Variants in HADHB observed in about 807,000 individuals in gnomAD.
The protein encoded by HADHB is hydroxyacyl-CoA dehydrogenase trifunctional multienzyme complex subunit beta.
In HADHB, 50 loss-of-function variants were observed where a neutral mutation model predicts 61.9. The ratio of observed to expected loss-of-function variants is 0.81; its 90% CI spans 0.64 to 1.02. The LOEUF is 1.02. Among genes scored for constraint, HADHB ranks in the 50% least tolerant of loss-of-function variants. The pLI is 0.00. For missense variants in HADHB, 504 were observed against 586.5 expected, an observed-to-expected ratio of 0.86 and a Z score of 1.45; for synonymous variants, 191 against 201.6, an observed-to-expected ratio of 0.95 and a Z score of 0.45.
Position 26,248,473 on chromosome 2 carries a change from T to TTTC in HADHB, c.-9+3485_-9+3486insCTT, listed in dbSNP as rs58218767. Among the ~76,000 whole-genome samples the TTTC allele has an allele frequency of 6.3e-3, 958 of 152,274 alleles. 8 individuals carry two copies. The highest frequency in any genetic ancestry group is 0.022 in the African/African-American group (896 of 41,550). ...CACCACCCCTGGCCCACCTTGAGTA[T>TTTC]TTTACGCTAGAGACCTATATATGCT... On this transcript the variant is annotated intron_variant, in intron 1 of 15. Coordinates refer to ENST00000317799, the MANE Select transcript of HADHB (RefSeq NM_000183.3).
At chr2:26,278,365 TC>T (rs1672642307) in intron 7 of HADHB, among the ~76,000 whole-genome samples, 1 of 152,280 alleles carries the variant, frequency 6.6e-6, no homozygotes, top group Non-Finnish European at 1.5e-5. Flanking sequence ...CAAGAGTTGG[TC>T]CAATGGATAT....
chr2:26,279,021 T>C, intron 8 of HADHB, 114 bp from the exon 9 acceptor site: 1 of 987,890 alleles, frequency 1.0e-6, no homozygotes, highest in Non-Finnish European at 1.6e-6. Context: ...TGGACTTGAT[T>C]GATTAATGGT....
chr2:26,246,485 G>A (rs1179266036), intron 1 of HADHB, among the ~76,000 whole-genome samples: 1 of 151,668 alleles, frequency 6.6e-6, no homozygotes, highest in African/African-American at 2.4e-5. Context: ...GATTACAAGC[G>A]CACACCACCA....
chr2:26,275,002 G>C lies in HADHB; in HGVS notation c.354+1252G>C, dbSNP rs1672486577. On this transcript the variant is annotated intron_variant, in intron 6 of 15. Coordinates refer to ENST00000317799, the MANE Select transcript of HADHB (RefSeq NM_000183.3). ...CCTGGAAATTTTACATCCATTTGCA[G>C]ATCTCAGCTATTGATTGACAGGAGG... 3.3e-5 allele frequency among the ~76,000 whole-genome samples: 5 copies of C among 152,044 alleles called. No individual in the cohort carries two copies. The South Asian group carries it at 1.0e-3, about 31-fold the overall frequency.
Position 26,279,328 on chromosome 2 carries a change from G to A in HADHB, c.811+13G>A. ...TTCAAAGTACCAGGTGAAATGAAATGCTTCATGACACTTATTAGGGAGTTC... is the reference window on the plus strand; with the variant it reads ...TTCAAAGTACCAGGTGAAATGAAATACTTCATGACACTTATTAGGGAGTTC... On this transcript the variant is annotated intron_variant, in intron 9 of 15. Transcript: ENST00000317799. 6.4e-7 allele frequency: 1 copy of A among 1,570,296 alleles called. No individual in the cohort carries two copies. The highest frequency in any genetic ancestry group is 8.8e-7 in the Non-Finnish European group (1 of 1,140,216).
In HADHB at chr2:26,279,156, T is replaced by G. The variant is rs1260605899; in HGVS notation, c.652T>G (p.Ser218Ala). Reference protein sequence around the residue: ...APELPAVSEFSTSETMGHSAD... With the variant: ...APELPAVSEFATSETMGHSAD... ...CCAGCTCCCTGCGGTTTCTGAGTTC[T>G]CCACCAGTGAGACCATGGGCCACTC... The change falls in exon 9 of 16, where the codon TCC (serine) becomes GCC (alanine). Residue 218 changes from serine to alanine, a missense_variant. Transcript: ENST00000317799. 6.2e-7 allele frequency: 1 copy of G among 1,613,916 alleles called. No homozygotes were observed. The highest frequency in any genetic ancestry group is 8.5e-7 in the Non-Finnish European group (1 of 1,179,922).
chr2:26,260,982 G>C, intron 3 of HADHB: 1 of 1,490,046 alleles, frequency 6.7e-7, no homozygotes, highest in South Asian at 1.2e-5. Flanking sequence ...TTTGCCTAGA[G>C]AGAGAATCTG....
chr2:26,259,288 G>C (rs1671766045), intron 3 of HADHB, among the ~76,000 whole-genome samples: 1 of 152,222 alleles, frequency 6.6e-6, no homozygotes, highest in Non-Finnish European at 1.5e-5. Context: ...CTAGGGGTCT[G>C]CCTGGCTCTA....
In HADHB at chr2:26,285,739, G is replaced by GTTTTTTTTTTTTTGTTTT. The variant is rs1673002253; in HGVS notation, c.1389+181_1389+182insGTTTTTTTTTTTTTTTTT. On this transcript the variant is annotated intron_variant, in intron 15 of 15. Coordinates refer to ENST00000317799, the MANE Select transcript of HADHB (RefSeq NM_000183.3). ...TCTGATAAAACTTTTTGTTTTTTGG[G>GTTTTTTTTTTTTTGTTTT]TTTTTTTTTTTTTTTTTTGAGACAG... Among the ~76,000 whole-genome samples, 2 of 65,082 alleles carry GTTTTTTTTTTTTTGTTTT rather than the reference G, an allele frequency of 3.1e-5. 1 individual carries two copies. Among genetic ancestry groups the GTTTTTTTTTTTTTGTTTT allele is most frequent in the Non-Finnish European group, 5.7e-5 (2 of 34,936 alleles). 42.7% of individuals were successfully genotyped at this position (65,082 alleles called of 152,430 possible).
chr2:26,258,549 G>C (rs1671730474), intron 3 of HADHB, among the ~76,000 whole-genome samples: 1 of 151,390 alleles, frequency 6.6e-6, no homozygotes, highest in African/African-American at 2.5e-5. Context: ...CCAGATCCGA[G>C]GGGTGGAAGT....
At position 26,246,584 on chromosome 2, in the gene HADHB, G is replaced by T. The variant is rs149801804; in HGVS notation, c.-9+1594G>T. On this transcript the variant is annotated intron_variant, in intron 1 of 15. Transcript: ENST00000317799. ...CCGAACTCCTGACCTTAGGTGATTC[G>T]CCCACCTCTGCCCCCCAAAGTGCTG... Among the ~76,000 whole-genome samples, 145 of 151,938 alleles carry T rather than the reference G, an allele frequency of 9.5e-4. 1 individual carries two copies. The highest frequency in any genetic ancestry group is 3.4e-3 in the African/African-American group (140 of 41,436).
chr2:26,279,255 C>G lies in HADHB; in HGVS notation c.751C>G (p.Leu251Val). The G allele has an allele frequency of 2.5e-6, 4 of 1,613,440 alleles. No homozygotes were observed. Among genetic ancestry groups the G allele is most frequent in the Non-Finnish European group, 2.5e-6 (3 of 1,179,384 alleles). The part of the protein sequence containing the change: ...QDEYALRSHS[L>V]AKKAQDEGLL... The stretch of plus-strand genomic sequence containing the variant: ...TGAATATGCACTGCGCTCTCACAGT[C>G]TAGCCAAGAAGGCACAGGATGAAGG... The change falls in exon 9 of 16, where the codon CTA (leucine) becomes GTA (valine). Residue 251 changes from leucine (L) to valine (V), a missense_variant. Transcript: ENST00000317799.
Position 26,278,726 on chromosome 2 carries a change from T to C in HADHB, c.555T>C (p.Asp185=), listed in dbSNP as rs1672659029. ...HSRKMRKLML[D]LNKAKSMGQR... is the part of the protein sequence containing the mutation. Reference sequence around the variant, plus strand: ...GGAAAATGAGAAAACTGATGCTTGATCTCAATAAGGCCAAATCTATGGGCC... The same window carrying C: ...GGAAAATGAGAAAACTGATGCTTGACCTCAATAAGGCCAAATCTATGGGCC... The change falls in exon 8 of 16, where the codon GAT becomes GAC. Residue 185 remains aspartate (D), a synonymous_variant. Coordinates refer to ENST00000317799, the MANE Select transcript of HADHB (RefSeq NM_000183.3). 6.2e-7 allele frequency: 1 copy of C among 1,614,070 alleles called. No individual in the cohort carries two copies. The highest frequency in any genetic ancestry group is 1.6e-4 in the Middle Eastern group (1 of 6,062).
At chr2:26,279,364 C>T (rs1217412277) in intron 9 of HADHB, 49 bp downstream of exon 9, 4 of 1,316,012 alleles carry the variant, frequency 3.0e-6, no homozygotes, top group South Asian at 1.2e-5. Flanking sequence ...TGAATTGCTC[C>T]TAAAACTCAA....
At chr2:26,262,531 T>TA (rs1431056749) in intron 3 of HADHB, among the ~76,000 whole-genome samples, 70 of 152,154 alleles carry the variant, frequency 4.6e-4, no homozygotes, top group African/African-American at 1.6e-3. Context: ...ATTTACTTTT[T>TA]AAAAAAAACC....
Position 26,278,733 on chromosome 2 carries a change from A to G in HADHB, c.562A>G (p.Lys188Glu). 6.2e-7 allele frequency: 1 copy of G among 1,614,124 alleles called. No individual in the cohort carries two copies. Among genetic ancestry groups the G allele is most frequent in the Non-Finnish European group, 8.5e-7 (1 of 1,179,958 alleles). ...KMRKLMLDLN[K>E]AKSMGQRLSL... Reference sequence around the variant, plus strand: ...GAGAAAACTGATGCTTGATCTCAATAAGGCCAAATCTATGGGCCAGCGACT... The same window carrying G: ...GAGAAAACTGATGCTTGATCTCAATGAGGCCAAATCTATGGGCCAGCGACT... Residue 188 changes from lysine (K) to glutamate (E), a missense_variant, in exon 8 of 16, where the codon AAG (lysine) becomes GAG (glutamate). Coordinates refer to ENST00000317799, the MANE Select transcript of HADHB (RefSeq NM_000183.3).
Position 26,279,979 on chromosome 2 carries a change from T to A in HADHB, c.812-15T>A. 1 of 1,595,652 alleles carries A rather than the reference T, an allele frequency of 6.3e-7. No homozygotes were observed. The highest frequency in any genetic ancestry group is 8.6e-7 in the Non-Finnish European group (1 of 1,165,140). ...TGTGGTTCCATAGAGTTAAAAAAAT[T>A]CATTTTTTTAATAGGAAAAGATACA... is the stretch of plus-strand genomic sequence containing the variant. On this transcript the variant is annotated splice_polypyrimidine_tract_variant and intron_variant, in intron 9 of 15. Coordinates refer to ENST00000317799, the MANE Select transcript of HADHB (RefSeq NM_000183.3).
chr2:26,261,320 C>A, intron 3 of HADHB: 1 of 402,322 alleles, frequency 2.5e-6, no homozygotes, highest in Non-Finnish European at 4.5e-6. Context: ...ACAGGCATTG[C>A]AGAATACATC....
At chr2:26,246,794 T>C (rs552264557) in intron 1 of HADHB, among the ~76,000 whole-genome samples, 1 of 147,684 alleles carries the variant, frequency 6.8e-6, no homozygotes, top group Non-Finnish European at 1.5e-5. Context: ...AGAAATGTTA[T>C]AATGTTTCTT....
Sources: gnomAD v4.1 joint callset for allele counts (sites outside exome capture counted in the v4.1 genomes callset) on GRCh38, gnomAD v4.1.1 for gene constraint, MANE v1.5 for transcripts, NCBI Gene and HGNC (gene_info 2026-07-23, HGNC 2026-07-21) for gene names.